ABTB3: variants seen among roughly 807,000 people sequenced by gnomAD.
ABTB3 encodes the protein ankyrin repeat- and BTB/POZ domain-containing protein 3.
the ABTB3 span, chr12:107,618,212 G>A: frequency 1.2e-6 from 2 of 1,614,108 alleles, no homozygotes; most frequent in Non-Finnish European, 1.7e-6. Context: ...GTGATATCCT[G>A]TCCCTGGAGG....
the ABTB3 span, among the ~76,000 whole-genome samples, chr12:107,547,034 A>G: frequency 6.6e-6 from 1 of 152,078 alleles, no homozygotes; most frequent in Admixed American, 6.5e-5. Context: ...TCTCTATGAA[A>G]AGTACAAAAA....
At chr12:107,584,666 C>T in the ABTB3 span, among the ~76,000 whole-genome samples, 3 of 152,200 alleles carry the variant, frequency 2.0e-5, no homozygotes, top group Non-Finnish European at 2.9e-5. Context: ...TACCTACCAG[C>T]TGGCCGAGGG....
chr12:107,623,630 G>T, the ABTB3 span, among the ~76,000 whole-genome samples: 1 of 152,018 alleles, frequency 6.6e-6, no homozygotes, highest in Non-Finnish European at 1.5e-5. Context: ...ACCTCCTAAA[G>T]TGCTGGGATT....
At chr12:107,418,026 C>G in the ABTB3 span, among the ~76,000 whole-genome samples, 1 of 152,204 alleles carries the variant, frequency 6.6e-6, no homozygotes, top group Admixed American at 6.5e-5. Context: ...ATGGTTAATA[C>G]TGAGTGTCAA....
chr12:107,511,271 C>G, the ABTB3 span, among the ~76,000 whole-genome samples: 1 of 152,238 alleles, frequency 6.6e-6, no homozygotes, highest in Non-Finnish European at 1.5e-5. Context: ...AACCAACTCT[C>G]AGTTTCATAA....
the ABTB3 span, among the ~76,000 whole-genome samples, chr12:107,480,146 AT>A: frequency 1.3e-5 from 2 of 152,198 alleles, no homozygotes; most frequent in Non-Finnish European, 2.9e-5. Flanking sequence ...GGTAGAAGGA[AT>A]GGCATGAACA....
chr12:107,358,421 A>C, the ABTB3 span, among the ~76,000 whole-genome samples: 5 of 152,262 alleles, frequency 3.3e-5, no homozygotes, highest in East Asian at 9.6e-4. Flanking sequence ...TGTTTGTAGA[A>C]GAGTGAGGAG....
chr12:107,618,263 G>A, the ABTB3 span: 5,323 of 1,613,454 alleles, frequency 3.3e-3, 15 homozygotes, highest in Non-Finnish European at 4.1e-3. Flanking sequence ...AGACAGCCCC[G>A]CCCCCCTTGT....
the ABTB3 span, among the ~76,000 whole-genome samples, chr12:107,565,365 C>T: frequency 2.5e-4 from 38 of 152,226 alleles, no homozygotes; most frequent in East Asian, 6.9e-3. Flanking sequence ...ACAATTCTGA[C>T]TATATGTGCT....
chr12:107,328,039 G>A, the ABTB3 span, among the ~76,000 whole-genome samples: 1 of 152,144 alleles, frequency 6.6e-6, no homozygotes, highest in African/African-American at 2.4e-5. Flanking sequence ...CCAGCACTCA[G>A]TCACATGGCC....
At chr12:107,322,507 C>G in the ABTB3 span, among the ~76,000 whole-genome samples, 2 of 152,178 alleles carry the variant, frequency 1.3e-5, no homozygotes, top group Non-Finnish European at 1.5e-5. Flanking sequence ...GATCTGCAAG[C>G]CTTATTAAGG....
At chr12:107,363,255 C>T in the ABTB3 span, among the ~76,000 whole-genome samples, 1 of 152,198 alleles carries the variant, frequency 6.6e-6, no homozygotes, top group Non-Finnish European at 1.5e-5. Context: ...TTACCATGAG[C>T]AGCAATTATG....
chr12:107,402,156 T>C, the ABTB3 span, among the ~76,000 whole-genome samples: 3 of 152,222 alleles, frequency 2.0e-5, no homozygotes, highest in Non-Finnish European at 4.4e-5. Context: ...AAGTGGACTC[T>C]TAGTAGTAGT....
the ABTB3 span, among the ~76,000 whole-genome samples, chr12:107,331,846 G>C: frequency 5.9e-5 from 9 of 152,212 alleles, no homozygotes; most frequent in Non-Finnish European, 1.3e-4. Flanking sequence ...CTCTGGTTCA[G>C]CTTGCTGCGG....
chr12:107,516,528 G>A, the ABTB3 span, among the ~76,000 whole-genome samples: 1 of 152,062 alleles, frequency 6.6e-6, no homozygotes, highest in South Asian at 2.1e-4. Flanking sequence ...CACCACACCC[G>A]GCCCTGTTAT....
the ABTB3 span, among the ~76,000 whole-genome samples, chr12:107,376,305 C>T: frequency 3.9e-5 from 6 of 152,308 alleles, no homozygotes; most frequent in East Asian, 1.9e-4. Flanking sequence ...GTCACCACTG[C>T]GTCTCTGGTC....
At chr12:107,377,243 G>A in the ABTB3 span, among the ~76,000 whole-genome samples, 1 of 152,296 alleles carries the variant, frequency 6.6e-6, no homozygotes, top group East Asian at 1.9e-4. Flanking sequence ...TTAGGACAGC[G>A]CTGAAGCATC....
At chr12:107,464,460 G>A in the ABTB3 span, among the ~76,000 whole-genome samples, 12 of 152,142 alleles carry the variant, frequency 7.9e-5, no homozygotes, top group Non-Finnish European at 1.8e-4. Flanking sequence ...ACAAGCACAT[G>A]TCACCATGTC....
chr12:107,385,897 A>G, the ABTB3 span, among the ~76,000 whole-genome samples: 1 of 152,160 alleles, frequency 6.6e-6, no homozygotes, highest in African/African-American at 2.4e-5. Flanking sequence ...AGCCTGAGCC[A>G]GGACCACAGC....
Sources: allele counts gnomAD v4.1 joint callset (sites outside exome capture counted in the v4.1 genomes callset), GRCh38; gene constraint gnomAD v4.1.1; transcripts MANE v1.5; gene names NCBI Gene and HGNC (gene_info 2026-07-23, HGNC 2026-07-21).